The following POGZ variants were observed in gnomAD, a reference collection of about 807,000 sequenced individuals.
POGZ encodes pogo transposable element with ZNF domain.
In POGZ, 17 loss-of-function variants were observed where a neutral mutation model predicts 134.6. The ratio of observed to expected loss-of-function variants is 0.13; its 90% CI spans 0.09 to 0.19. The LOEUF (loss-of-function observed/expected upper bound fraction) is 0.19. POGZ is among the 10% of genes least tolerant of loss of function. The pLI is 1.00. For synonymous variants in POGZ, 693 were observed against 657.1 expected (o/e 1.05, Z -0.84); for missense variants, 1,306 against 1,769.7 (o/e 0.74, Z 4.70).
At chr1:151,416,182 C>T (rs1352895081) in intron 10 of POGZ, among the ~76,000 whole-genome samples, 4 of 117,214 alleles carry the variant, frequency 3.4e-5, no homozygotes, top group Non-Finnish European at 6.6e-5. Flanking sequence ...CACACACCAG[C>T]CTGGGTGACA....
rs1169966878 is a variant in POGZ at position 151,403,514 on chromosome 1, G to GT, written c.*1287dup. The GT allele has an allele frequency of 1.0e-6, 1 of 985,276 alleles. No individual in the cohort carries two copies. Among genetic ancestry groups the GT allele is most frequent in the Non-Finnish European group, 1.2e-6 (1 of 829,690 alleles). The allele number at this position is 985,276 out of a possible 1,614,324, so 61.0% of individuals were successfully genotyped here. ...ACTTGGTTTTTTGCTCCTTTTCTCT[G>GT]TACGGTACAGTACGTTTTGGTTTAC... On this transcript the variant is annotated 3_prime_UTR_variant, in exon 19 of 19. Transcript: ENST00000271715.
At position 151,405,024 on chromosome 1, in the gene POGZ, G is replaced by A. The variant is rs1284915528; in HGVS notation, c.4011C>T (p.Asn1337=). The change falls in exon 19 of 19, where the codon AAC becomes AAT. Residue 1337 remains asparagine, a synonymous_variant. Transcript: ENST00000271715. This position sits in a 1 kb window ranked among gnomAD's most constrained non-coding sequence, Gnocchi z 4.9. Reference sequence around the variant, plus strand: ...GCATGTCAGCATTTCTTGTAGGTGAGTTAATGTTGCCATCGGGGCCAGGCA... The same window carrying A: ...GCATGTCAGCATTTCTTGTAGGTGAATTAATGTTGCCATCGGGGCCAGGCA... ...SVLPGPDGNI[N]SPTRNADMQE... The A allele has an allele frequency of 6.2e-7, 1 of 1,614,192 alleles. No individual in the cohort carries two copies. The highest frequency in any genetic ancestry group is 1.7e-5 in the Admixed American group (1 of 60,032).
chr1:151,415,944 T>C (rs988076727), intron 10 of POGZ, among the ~76,000 whole-genome samples: 1 of 152,018 alleles, frequency 6.6e-6, no homozygotes, highest in Admixed American at 6.5e-5. Flanking sequence ...CCGGGTGCAC[T>C]GGCTCACGCC....
At chr1:151,413,306 G>T (rs1277034581) in intron 10 of POGZ, among the ~76,000 whole-genome samples, 1 of 151,698 alleles carries the variant, frequency 6.6e-6, no homozygotes, top group Non-Finnish European at 1.5e-5. Context: ...TTTTTGTAGG[G>T]ACAGGGTCTC....
rs59753677 is a variant in POGZ at position 151,417,688 on chromosome 1, C to CCACACACA, written c.1679-5300_1679-5293dup. ...TTAGATCTTAACAAAGGTACTGTGG[C>CCACACACA]CACACACACACACACACACACACAC... On this transcript the variant is annotated intron_variant, in intron 10 of 18. Transcript: ENST00000271715. Among the ~76,000 whole-genome samples the CCACACACA allele has an allele frequency of 7.6e-3, 1,041 of 137,542 alleles. 16 individuals carry two copies. Among genetic ancestry groups the CCACACACA allele is most frequent in the African/African-American group, 0.021 (756 of 36,590 alleles). The allele number at this position is 137,542 out of a possible 152,430, so 90.2% of individuals were successfully genotyped here.
chr1:151,433,606 C>CAAAAAAAA (rs57509550), intron 3 of POGZ, among the ~76,000 whole-genome samples: 2 of 81,736 alleles, frequency 2.4e-5, no homozygotes, highest in Non-Finnish European at 4.6e-5. Flanking sequence ...AATTCCGTCT[C>CAAAAAAAA]AAAAAAAAAA....
At chr1:151,414,716 A>AG (rs1483155799) in intron 10 of POGZ, among the ~76,000 whole-genome samples, 1 of 152,238 alleles carries the variant, frequency 6.6e-6, no homozygotes, top group Non-Finnish European at 1.5e-5. Context: ...TGGGAGGCAG[A>AG]GGCTGCGGTG....
chr1:151,457,284 T>C (rs1175256446), intron 1 of POGZ, among the ~76,000 whole-genome samples: 1 of 152,224 alleles, frequency 6.6e-6, no homozygotes, highest in Non-Finnish European at 1.5e-5. Flanking sequence ...AAGGTGTCAC[T>C]TGTTTCAACA....
rs562207588 is a variant in POGZ, at chr1:151,459,479, C to T, written c.-329G>A. ...CCGACTCCCCCCACCGACCCTCTCG[C>T]CCCGCGGAGGGATACGGCTCGTCAC... On this transcript the variant is annotated 5_prime_UTR_variant, in exon 1 of 19. Transcript: ENST00000271715. 1.3e-5 allele frequency: 2 copies of T among 152,316 alleles called. No individual in the cohort carries two copies. The highest frequency in any genetic ancestry group is 4.8e-5 in the African/African-American group (2 of 41,438). 9.4% of individuals were successfully genotyped at this position (152,316 alleles called of 1,614,324 possible). A position where few individuals can be genotyped will look rare whatever the true frequency, so the allele number is the denominator to read the frequency against.
At chr1:151,412,071 G>C (rs993084230) in intron 11 of POGZ, among the ~76,000 whole-genome samples, 5 of 152,194 alleles carry the variant, frequency 3.3e-5, no homozygotes, top group African/African-American at 1.2e-4. Context: ...CACTCCCTTA[G>C]AATATGCACA....
intron 18 of POGZ, 30 bp from the exon 19 acceptor site, chr1:151,406,494 A>C (rs762302196): frequency 1.3e-6 from 2 of 1,557,736 alleles, no homozygotes; most frequent in South Asian, 2.5e-5. Flanking sequence ...AGAGAAGAGG[A>C]GAAATCTCAG....
chr1:151,414,871 G>C (rs1303221711), intron 10 of POGZ, among the ~76,000 whole-genome samples: 8 of 152,160 alleles, frequency 5.3e-5, no homozygotes, highest in Admixed American at 5.2e-4. Context: ...GAGATCTCTG[G>C]TAACCTTTGA....
chr1:151,416,210 CAAAAAAAAAAAAA>C (rs1212371839), intron 10 of POGZ, among the ~76,000 whole-genome samples: 4 of 42,788 alleles, frequency 9.3e-5, no homozygotes, highest in East Asian at 1.0e-3. Flanking sequence ...AACTCCATCT[CAAAAAAAAAAAAA>C]AAAAAAAAAA....
intron 12 of POGZ, among the ~76,000 whole-genome samples, chr1:151,409,302 T>G (rs56317453): frequency 0.12 from 18,298 of 152,176 alleles, 2,461 homozygotes; most frequent in East Asian, 0.45. Context: ...ATTACCAGTT[T>G]CCTGAGTATG....
At position 151,412,102 on chromosome 1, in the gene POGZ, G is replaced by A. The variant is rs547371426; in HGVS notation, c.1779+194C>T. Among the ~76,000 whole-genome samples, 13 of 152,302 alleles carry A rather than the reference G, an allele frequency of 8.5e-5. No individual in the cohort carries two copies. In the East Asian group the frequency reaches 2.5e-3, roughly 29 times the overall value. ...GCACATGTTCCCGGCTAGTCTACTTGTGGACATGTTCTTTTATGTTTTTCT... is the reference window on the plus strand; with the variant it reads ...GCACATGTTCCCGGCTAGTCTACTTATGGACATGTTCTTTTATGTTTTTCT... On this transcript the variant is annotated intron_variant, in intron 11 of 18. Transcript: ENST00000271715.
intron 10 of POGZ, among the ~76,000 whole-genome samples, chr1:151,420,474 A>G (rs1656699815): frequency 6.6e-6 from 1 of 151,898 alleles, no homozygotes; most frequent in African/African-American, 2.4e-5. Context: ...GCGCCACCAC[A>G]CCCAATTTTT....
At chr1:151,441,204 T>C in intron 2 of POGZ, 118 bp from the exon 3 acceptor site, 1 of 692,342 alleles carries the variant, frequency 1.4e-6, no homozygotes, top group Non-Finnish European at 2.3e-6. Flanking sequence ...AGTTTCCTGT[T>C]TCATAAATCC....
rs936689900 is a variant in POGZ at position 151,403,959 on chromosome 1, A to G, written c.*843T>C. 2 of 985,480 alleles carry G rather than the reference A, an allele frequency of 2.0e-6. No individual in the cohort carries two copies. The highest frequency in any genetic ancestry group is 2.4e-6 in the Non-Finnish European group (2 of 829,938). The allele number at this position is 985,480 out of a possible 1,614,324, so 61.0% of individuals were successfully genotyped here. A position where few individuals can be genotyped will look rare whatever the true frequency, so the allele number is the denominator to read the frequency against. ...TCTCTTGCTTGCTAATAACACCTGT[A>G]TGATCCTTTGTCCAGAGGGATGGAT... On this transcript the variant is annotated 3_prime_UTR_variant, in exon 19 of 19. Transcript: ENST00000271715.
chr1:151,455,264 G>A (rs1183468149), intron 1 of POGZ: 2 of 152,182 alleles, frequency 1.3e-5, no homozygotes, highest in African/African-American at 4.8e-5. Flanking sequence ...TTATTTTACA[G>A]ATAAGGTCAA....
Sources: gnomAD v4.1 joint callset for allele counts (sites outside exome capture counted in the v4.1 genomes callset) on GRCh38, gnomAD v4.1.1 for gene constraint, Gnocchi (gnomAD v3.1) non-coding constraint, MANE v1.5 for transcripts, NCBI Gene and HGNC (gene_info 2026-07-23, HGNC 2026-07-21) for gene names.